Variants in TET3 observed in about 807,000 individuals in gnomAD.
TET3 encodes tet methylcytosine dioxygenase 3.
A neutral mutation model predicts 141.4 loss-of-function variants in TET3; 19 were observed. The observed-to-expected ratio is 0.13, with a 90% CI of 0.09 to 0.20. The LOEUF is 0.20. Among genes scored for constraint, TET3 ranks in the 10% least tolerant of loss-of-function variants. The pLI is 1.00. For missense variants in TET3, 1,874 were observed against 2,356.9 expected, an observed-to-expected ratio of 0.80 and a Z score of 4.24; for synonymous variants, 1,043 against 980.9, an observed-to-expected ratio of 1.06 and a Z score of -1.18.
At chr2:73,998,013 A>T (rs1422617995) in intron 2 of TET3, among the ~76,000 whole-genome samples, 1 of 152,192 alleles carries the variant, frequency 6.6e-6, no homozygotes, top group Non-Finnish European at 1.5e-5. Context: ...AAGGACTTCC[A>T]GGAGGGGGAA....
intron 3 of TET3, among the ~76,000 whole-genome samples, chr2:74,022,068 G>A (rs1293313646): frequency 8.3e-6 from 1 of 120,414 alleles, no homozygotes; most frequent in African/African-American, 3.3e-5. Context: ...GAGAACTCCT[G>A]TTACTATTTC....
At chr2:74,120,609 G>C in the TET3 span, 1 of 152,650 alleles carries the variant, frequency 6.6e-6, no homozygotes, top group African/African-American at 2.4e-5. Flanking sequence ...CCAAGGAGCG[G>C]GGCGGCGGCC....
At position 74,047,914 on chromosome 2, in the gene TET3, T is replaced by C. The variant is rs1188495944; in HGVS notation, c.1997T>C (p.Leu666Pro). 1 of 1,613,558 alleles carries C rather than the reference T, an allele frequency of 6.2e-7. No individual in the cohort carries two copies. The change falls in exon 4 of 12, where the codon CTA becomes CCA. Residue 666 changes from leucine (L) to proline (P), a missense_variant. Coordinates refer to ENST00000409262, the MANE Select transcript of TET3 (RefSeq NM_001287491.2). ...CTGCCCCCAGAACCTTCTCTTGCGC[T>C]ATTTGCACCTAGTCCCTCCAGGGAC... ...VPLPPEPSLA[L>P]FAPSPSRDSL...
Position 74,048,078 on chromosome 2 carries a change from A to C in TET3, c.2161A>C (p.Ser721Arg), listed in dbSNP as rs1262362274. 1 of 1,613,252 alleles carries C rather than the reference A, an allele frequency of 6.2e-7. No individual in the cohort carries two copies. Among genetic ancestry groups the C allele is most frequent in the Non-Finnish European group, 8.5e-7 (1 of 1,179,598 alleles). Residue 721 changes from serine (S) to arginine (R), a missense_variant, in exon 4 of 12, where the codon AGC becomes CGC. Ser to Arg is a moderately radical substitution (Grantham distance 110, BLOSUM62 -1). Around this residue, in one of 10 missense-constraint regions of TET3, gnomAD observed 484 missense variants for 462.2 expected, o/e 1.05. Transcript: ENST00000409262. ...GCAGTTTGAGGCTGAATTTGGAGAT[A>C]GCTTTGGGCTTCCCGGCCCCCCTTC... ...IRQFEAEFGD[S>R]FGLPGPPSVP... is the part of the protein sequence containing the mutation.
At chr2:74,009,146 C>G (rs1685298223) in intron 3 of TET3, among the ~76,000 whole-genome samples, 1 of 152,214 alleles carries the variant, frequency 6.6e-6, no homozygotes. Context: ...GTTCCTAGCC[C>G]TGCTAAGCAG....
intron 10 of TET3, among the ~76,000 whole-genome samples, chr2:74,098,582 A>G (rs1176919817): frequency 6.7e-6 from 1 of 148,446 alleles, no homozygotes; most frequent in African/African-American, 2.6e-5. Context: ...AGAGTTTATA[A>G]TAAAAAGGAA....
At chr2:74,051,078 TGGG>T (rs1235390045) in intron 4 of TET3, among the ~76,000 whole-genome samples, 1 of 152,116 alleles carries the variant, frequency 6.6e-6, no homozygotes, top group East Asian at 1.9e-4. Flanking sequence ...TGAACACAGA[TGGG>T]GAGAGGCAGA....
At chr2:74,118,002 C>T in the TET3 span, among the ~76,000 whole-genome samples, 2 of 152,302 alleles carry the variant, frequency 1.3e-5, no homozygotes, top group South Asian at 2.1e-4. Context: ...CCTCAGTCTC[C>T]CAAAGTGCTG....
At chr2:74,040,286 A>G (rs960346884) in intron 3 of TET3, among the ~76,000 whole-genome samples, 1 of 152,070 alleles carries the variant, frequency 6.6e-6, no homozygotes, top group Non-Finnish European at 1.5e-5. Flanking sequence ...GGGGATACAT[A>G]GAGTTGCTTA....
chr2:74,035,134 G>A (rs1473688263), intron 3 of TET3, among the ~76,000 whole-genome samples: 3 of 150,400 alleles, frequency 2.0e-5, no homozygotes, highest in East Asian at 1.9e-4. Flanking sequence ...CCTGGGAGGC[G>A]GAGCTTGCAG....
At chr2:74,035,201 CAAA>C (rs35642768) in intron 3 of TET3, among the ~76,000 whole-genome samples, 12 of 65,446 alleles carry the variant, frequency 1.8e-4, no homozygotes, top group Admixed American at 4.1e-4. Flanking sequence ...GACTCCGTCT[CAAA>C]AAAAAAAAAA....
intron 3 of TET3, among the ~76,000 whole-genome samples, chr2:74,032,416 G>A (rs1573740107): frequency 6.6e-6 from 1 of 152,092 alleles, no homozygotes; most frequent in South Asian, 2.1e-4. Flanking sequence ...TGGGGCTTGG[G>A]CGATGGCCCC....
At position 74,023,423 on chromosome 2, in the gene TET3, C is replaced by T. The variant is rs556792375; in HGVS notation, c.360+20257C>T. On this transcript the variant is annotated intron_variant, in intron 3 of 11. Coordinates refer to ENST00000409262, the MANE Select transcript of TET3 (RefSeq NM_001287491.2). ...ACACCCAGCTAATTTTTCTATTTTT[C>T]GTAATGATGGGGTCTCACTGTGTTG... 1.4e-4 allele frequency among the ~76,000 whole-genome samples: 21 copies of T among 151,970 alleles called. No individual in the cohort carries two copies. In the East Asian group the frequency reaches 3.7e-3, roughly 27 times the overall value.
rs1023977229 is a variant in TET3 at position 74,003,319 on chromosome 2, G to A, written c.360+153G>A. Among the ~76,000 whole-genome samples, 5 of 151,894 alleles carry A rather than the reference G, an allele frequency of 3.3e-5. No homozygotes were observed. In the South Asian group the frequency reaches 1.0e-3, roughly 32 times the overall value. ...GCTGAGGGGGAGGGGCGGCGGGGGT[G>A]TGGGCGGCCAATGAATTCTCAGGCC... On this transcript the variant is annotated intron_variant, in intron 3 of 11. Transcript: ENST00000409262.
At position 74,001,894 on chromosome 2, in the gene TET3, A is replaced by G. The variant is rs1451611570; in HGVS notation, c.304-1216A>G. ...CTTGGGGGTTACCTCCTGTAGCCTA[A>G]GAGTGGAGAACCCATTGTGGGGTGT... On this transcript the variant is annotated intron_variant, in intron 2 of 11. Coordinates refer to ENST00000409262, the MANE Select transcript of TET3 (RefSeq NM_001287491.2). Among the ~76,000 whole-genome samples the G allele has an allele frequency of 6.6e-5, 10 of 152,036 alleles. No individual in the cohort carries two copies. In the East Asian group the frequency reaches 1.9e-3, roughly 29 times the overall value.
the TET3 span, among the ~76,000 whole-genome samples, chr2:74,122,677 CTTTTTTTTTTTTT>C: frequency 2.4e-5 from 1 of 42,388 alleles, no homozygotes; most frequent in African/African-American, 1.3e-4. Flanking sequence ...CTACACCTAG[CTTTTTTTTTTTTT>C]TTTTTTTTTT....
chr2:73,993,825 G>C (rs1684446930), intron 2 of TET3: 1 of 152,246 alleles, frequency 6.6e-6, no homozygotes, highest in Non-Finnish European at 1.5e-5. Flanking sequence ...GATTCAGGAG[G>C]TTGGAGCTCC....
At chr2:74,073,377 A>G (rs181987250) in intron 4 of TET3, among the ~76,000 whole-genome samples, 172 bp from the exon 5 acceptor site, 6 of 152,210 alleles carry the variant, frequency 3.9e-5, no homozygotes, top group Admixed American at 1.3e-4. Context: ...TGTGATTTTA[A>G]TTTGTATTTC....
chr2:74,101,064 T>C lies in TET3; in HGVS notation c.4276T>C (p.Ser1426Pro), dbSNP rs376602456. The C allele has an allele frequency of 2.5e-4, 406 of 1,612,386 alleles. 1 individual carries two copies. Among genetic ancestry groups the C allele is most frequent in the Non-Finnish European group, 3.2e-4 (380 of 1,179,308 alleles). Residue 1426 changes from serine (S) to proline (P), a missense_variant, in exon 12 of 12, where the codon TCT becomes CCT. Ser to Pro is a moderately conservative substitution (Grantham distance 74). Around this residue, in one of 10 missense-constraint regions of TET3, gnomAD observed 602 missense variants for 590.2 expected, o/e 1.02. Transcript: ENST00000409262. The surrounding 1 kb of genome is among the most constrained non-coding windows in gnomAD (Gnocchi z 8.5). ...GGGCAAGACACCTCTGTCCGAGGTG[T>C]CTCAGAATGGAGGACCCAGTCACCT... ...KMGKTPLSEV[S>P]QNGGPSHLWG... is the part of the protein sequence containing the mutation.
Sources: allele counts gnomAD v4.1 joint callset (sites outside exome capture counted in the v4.1 genomes callset), GRCh38; gene constraint gnomAD v4.1.1; regional missense constraint gnomAD v4.1.1; non-coding constraint Gnocchi (gnomAD v3.1); transcripts MANE v1.5; gene names NCBI Gene and HGNC (gene_info 2026-07-23, HGNC 2026-07-21).